Variants in PDE1C observed in about 807,000 individuals in gnomAD.
The protein encoded by PDE1C is phosphodiesterase 1C.
PDE1C carries 62 observed loss-of-function variants against 93.1 expected under a neutral mutation model. The observed-to-expected ratio is 0.67, with a 90% confidence interval of 0.54 to 0.82. PDE1C has a LOEUF of 0.82. Among genes scored for constraint, PDE1C ranks in the 40% least tolerant of loss-of-function variants. PDE1C has a pLI of 0.00. For missense variants in PDE1C, 742 were observed against 884.6 expected (o/e 0.84, Z 2.04); for synonymous variants, 325 against 310.1 (o/e 1.05, Z -0.50).
intron 2 of PDE1C, among the ~76,000 whole-genome samples, chr7:31,989,094 G>A (rs1584347929): frequency 2.1e-5 from 3 of 141,226 alleles, no homozygotes; most frequent in Admixed American, 7.0e-5. Context: ...AAGAAACAAA[G>A]AAAGAAAGAA....
Position 31,931,403 on chromosome 7 carries a change from C to A in PDE1C, c.129-50543G>T, listed in dbSNP as rs113807268. On this transcript the variant is annotated intron_variant, in intron 2 of 17. Transcript: ENST00000396191. ...ACTTCAGCAAAGTCTCAGGAAACAA[C>A]ATCAATGTGCAAAAATCATAAGCAA... Among the ~76,000 whole-genome samples the A allele has an allele frequency of 9.0e-3, 1,370 of 152,292 alleles. 22 individuals carry two copies. The highest frequency in any genetic ancestry group is 0.031 in the African/African-American group (1,284 of 41,576).
At chr7:32,038,901 C>G (rs910257604) in intron 2 of PDE1C, among the ~76,000 whole-genome samples, 1 of 152,184 alleles carries the variant, frequency 6.6e-6, no homozygotes, top group African/African-American at 2.4e-5. Flanking sequence ...TCATCAGAAT[C>G]TCATCTGTCA....
rs32318 is a variant in PDE1C at position 32,141,126 on chromosome 7, G to C, written c.308+28659C>G. On this transcript the variant is annotated intron_variant, in intron 3 of 18. Transcript: ENST00000396193. Reference sequence around the variant, plus strand: ...TCCAAAATAAGTAGCTATTCCTCCTGCCAGGAGGTGGAGCTTAATCCCATC... The same window carrying C: ...TCCAAAATAAGTAGCTATTCCTCCTCCCAGGAGGTGGAGCTTAATCCCATC... Among the ~76,000 whole-genome samples the C allele has an allele frequency of 3.7e-3, 558 of 152,330 alleles. 4 individuals are homozygous for C. The highest frequency in any genetic ancestry group is 0.013 in the African/African-American group (538 of 41,574).
intron 3 of PDE1C, among the ~76,000 whole-genome samples, chr7:32,168,893 A>T (rs1460305726): frequency 1.3e-5 from 2 of 152,194 alleles, no homozygotes; most frequent in Non-Finnish European, 2.9e-5. Context: ...TATTTCATGG[A>T]ACTCCAACAG....
chr7:32,220,795 G>A (rs1203301116), intron 1 of PDE1C, among the ~76,000 whole-genome samples: 1 of 152,152 alleles, frequency 6.6e-6, no homozygotes, highest in African/African-American at 2.4e-5. Context: ...TCCAGCCTGG[G>A]CGACAGAGCG....
intron 14 of PDE1C, among the ~76,000 whole-genome samples, chr7:31,817,671 GTTTAC>G (rs984275522): frequency 2.0e-5 from 3 of 152,234 alleles, no homozygotes; most frequent in Admixed American, 6.5e-5. Context: ...ATTATCAGGT[GTTTAC>G]TTTATTTCTT....
At chr7:32,058,263 G>C (rs910978962) in intron 1 of PDE1C, among the ~76,000 whole-genome samples, 1 of 152,084 alleles carries the variant, frequency 6.6e-6, no homozygotes, top group Non-Finnish European at 1.5e-5. Context: ...TACCACCGCC[G>C]ACACACAGAC....
At chr7:31,765,393 G>A (rs1463733193) in intron 17 of PDE1C, among the ~76,000 whole-genome samples, 1 of 151,986 alleles carries the variant, frequency 6.6e-6, no homozygotes, top group East Asian at 1.9e-4. Flanking sequence ...GTTTGTCTTG[G>A]CATGATTCTA....
In PDE1C at chr7:32,006,018, A is replaced by C. The variant is rs143916946; in HGVS notation, c.128+45536T>G. 6.4e-4 allele frequency among the ~76,000 whole-genome samples: 98 copies of C among 152,262 alleles called. 2 individuals carry two copies. In the East Asian group the frequency reaches 0.017, roughly 26 times the overall value. On this transcript the variant is annotated intron_variant, in intron 2 of 17. Transcript: ENST00000396191. ...TCAAGAGTCACTTCTTTAAAATGTC[A>C]TTATTGCCTTTCTTTAGGGGCCTTT...
the PDE1C span, among the ~76,000 whole-genome samples, chr7:31,733,464 C>G: frequency 5.3e-5 from 8 of 152,154 alleles, no homozygotes; most frequent in Non-Finnish European, 1.0e-4. Flanking sequence ...CACTATGGCT[C>G]CCATTAAGCA....
intron 3 of PDE1C, among the ~76,000 whole-genome samples, chr7:32,125,927 G>A (rs1037534190): frequency 3.3e-5 from 5 of 151,664 alleles, no homozygotes; most frequent in African/African-American, 1.2e-4. Flanking sequence ...TGCCCCTGCT[G>A]GTCACATGCC....
chr7:31,967,648 A>T (rs1027795566), intron 2 of PDE1C, among the ~76,000 whole-genome samples: 1 of 152,168 alleles, frequency 6.6e-6, no homozygotes, highest in Admixed American at 6.5e-5. Flanking sequence ...CCTGGCAGAG[A>T]CACAACAAAC....
At chr7:31,684,987 G>A in the PDE1C span, among the ~76,000 whole-genome samples, 2 of 152,116 alleles carry the variant, frequency 1.3e-5, no homozygotes, top group Admixed American at 1.3e-4. Context: ...GCCAAACATT[G>A]GTAACAATCC....
intron 1 of PDE1C, among the ~76,000 whole-genome samples, chr7:32,243,581 G>A (rs1808695972): frequency 6.6e-6 from 1 of 152,190 alleles, no homozygotes; most frequent in Non-Finnish European, 1.5e-5. Context: ...GAAAAGTCAA[G>A]ATATCAGGAA....
chr7:32,109,040 T>C (rs1439055553), intron 3 of PDE1C, among the ~76,000 whole-genome samples: 4 of 152,034 alleles, frequency 2.6e-5, no homozygotes, highest in East Asian at 1.9e-4. Flanking sequence ...ACAAATACTA[T>C]AGGAGCAAAG....
At chr7:32,176,494 A>T (rs1472796158) in intron 2 of PDE1C, among the ~76,000 whole-genome samples, 1 of 151,680 alleles carries the variant, frequency 6.6e-6, no homozygotes, top group Non-Finnish European at 1.5e-5. Flanking sequence ...ACTTTTGAAT[A>T]ATGTAAATGT....
At chr7:32,177,715 TC>T (rs1448368527) in intron 2 of PDE1C, among the ~76,000 whole-genome samples, 1 of 151,978 alleles carries the variant, frequency 6.6e-6, no homozygotes, top group Non-Finnish European at 1.5e-5. Flanking sequence ...AGCAGCCTGA[TC>T]CCCCCTCTGC....
chr7:31,738,968 GT>G, the PDE1C span, among the ~76,000 whole-genome samples: 1 of 151,942 alleles, frequency 6.6e-6, no homozygotes, highest in Non-Finnish European at 1.5e-5. Flanking sequence ...GAGAATACCA[GT>G]TCCCCTCCTG....
At chr7:32,311,201 A>G (rs1783030839) in intron 1 of PDE1C, among the ~76,000 whole-genome samples, 1 of 152,240 alleles carries the variant, frequency 6.6e-6, no homozygotes, top group Non-Finnish European at 1.5e-5. Flanking sequence ...AGACTAAACC[A>G]GGAAGAAGTT....
Sources: gnomAD v4.1 joint callset for allele counts (sites outside exome capture counted in the v4.1 genomes callset) on GRCh38, gnomAD v4.1.1 for gene constraint, MANE v1.5 for transcripts, NCBI Gene and HGNC (gene_info 2026-07-23, HGNC 2026-07-21) for gene names.